The following PIGN variants were observed in gnomAD, a reference collection of about 807,000 sequenced individuals.
PIGN encodes GPI ethanolamine phosphate transferase 1.
Under a neutral mutation model 125.4 loss-of-function variants are expected in PIGN, and 117 were observed. The ratio of observed to expected loss-of-function variants is 0.93; its 90% CI spans 0.80 to 1.09. The LOEUF is 1.09. Among genes scored for constraint, PIGN ranks in the 50% least tolerant of loss-of-function variants. PIGN has a pLI of 0.00. For synonymous variants in PIGN, 392 were observed against 377.8 expected (o/e 1.04, Z -0.44); for missense variants, 1,075 against 1,094.9 (o/e 0.98, Z 0.26).
chr18:62,129,983 G>A (rs150483305), intron 14 of PIGN, among the ~76,000 whole-genome samples: 392 of 152,240 alleles, frequency 2.6e-3, no homozygotes, highest in African/African-American at 9.0e-3. Context: ...TTGAGAGGGA[G>A]ATCTGGAGAC....
intron 11 of PIGN, 71 bp downstream of exon 11, chr18:62,143,235 T>A: frequency 1.3e-6 from 1 of 772,490 alleles, no homozygotes; most frequent in Non-Finnish European, 2.2e-6. Context: ...TATCTCTTTT[T>A]CATAGTTTTT....
intron 23 of PIGN, among the ~76,000 whole-genome samples, chr18:62,019,746 C>T (rs1054610502): frequency 1.3e-5 from 2 of 152,228 alleles, no homozygotes; most frequent in African/African-American, 4.8e-5. Context: ...TTAACTGATA[C>T]TGGCCTAGCC....
chr18:62,087,992 T>C lies in PIGN; in HGVS notation c.2370+764A>G, dbSNP rs79782431. Among the ~76,000 whole-genome samples, 22 of 152,250 alleles carry C rather than the reference T, an allele frequency of 1.4e-4. No individual in the cohort carries two copies. In the East Asian group the frequency reaches 4.0e-3, roughly 28 times the overall value. On this transcript the variant is annotated intron_variant, in intron 25 of 30. Transcript: ENST00000640252. ...ATTGTATTGTATACTTGAAATGCGCTAAGAGAGCTGATCTTAAGTGTTCTC... is the reference window on the plus strand; with the variant it reads ...ATTGTATTGTATACTTGAAATGCGCCAAGAGAGCTGATCTTAAGTGTTCTC...
intron 4 of PIGN, among the ~76,000 whole-genome samples, chr18:62,160,112 C>CA (rs903941607): frequency 2.0e-4 from 30 of 150,876 alleles, no homozygotes; most frequent in African/African-American, 6.3e-4. Context: ...GACTCCGTCT[C>CA]AAAAAAAAGA....
At chr18:62,142,138 T>C (rs1843525230) in intron 11 of PIGN, among the ~76,000 whole-genome samples, 1 of 152,230 alleles carries the variant, frequency 6.6e-6, no homozygotes, top group African/African-American at 2.4e-5. Flanking sequence ...TGAGTATCTG[T>C]TCTTACCCCT....
intron 23 of PIGN, among the ~76,000 whole-genome samples, chr18:62,029,488 C>T (rs530599396): frequency 2.0e-5 from 3 of 152,326 alleles, no homozygotes; most frequent in Admixed American, 2.0e-4. Context: ...GGACATTAAA[C>T]TTCTTTTCTT....
At chr18:62,074,889 C>G (rs2033093516) in intron 28 of PIGN, 68 bp from the exon 29 acceptor site, 1 of 1,061,060 alleles carries the variant, frequency 9.4e-7, no homozygotes, top group Middle Eastern at 2.0e-4. Context: ...CATTAAAATC[C>G]AAGTGAGACT....
chr18:62,076,640 T>C (rs1481664092), intron 28 of PIGN, among the ~76,000 whole-genome samples: 1 of 152,232 alleles, frequency 6.6e-6, no homozygotes, highest in East Asian at 1.9e-4. Flanking sequence ...TTTGAGTTAA[T>C]TTTTGAATAA....
At chr18:62,085,921 T>G (rs181069752) in intron 25 of PIGN, among the ~76,000 whole-genome samples, 1 of 152,282 alleles carries the variant, frequency 6.6e-6, no homozygotes, top group East Asian at 1.9e-4. Context: ...TTCATTACCA[T>G]AGACACCCAC....
chr18:62,084,515 A>C lies in PIGN; in HGVS notation c.2502+16T>G. 2 of 1,478,270 alleles carry C rather than the reference A, an allele frequency of 1.4e-6. No individual in the cohort carries two copies. Among genetic ancestry groups the C allele is most frequent in the Non-Finnish European group, 1.8e-6 (2 of 1,087,926 alleles). 91.6% of individuals were successfully genotyped at this position (1,478,270 alleles called of 1,614,324 possible). ...AATCAATAGCTTAAGACAAATAACA[A>C]AATAAGAAAACTAACCTTCCACATC... On this transcript the variant is annotated intron_variant, in intron 27 of 30. Transcript: ENST00000640252.
chr18:62,095,392 G>T (rs1399976519), intron 23 of PIGN, among the ~76,000 whole-genome samples: 1 of 152,064 alleles, frequency 6.6e-6, no homozygotes, highest in African/African-American at 2.4e-5. Context: ...ATCTTTAAAA[G>T]TTTTGGGAAA....
intron 14 of PIGN, among the ~76,000 whole-genome samples, chr18:62,120,260 G>A (rs1014225186): frequency 6.6e-5 from 10 of 152,174 alleles, no homozygotes; most frequent in Non-Finnish European, 1.3e-4. Context: ...CATTAAAACA[G>A]TTGGTCACTG....
chr18:62,104,438 A>G (rs533896931), intron 20 of PIGN, among the ~76,000 whole-genome samples: 1 of 152,342 alleles, frequency 6.6e-6, no homozygotes, highest in South Asian at 2.1e-4. Flanking sequence ...TATCTGAAGC[A>G]AGAAATAAAT....
At chr18:62,138,861 T>C in intron 13 of PIGN, 122 bp downstream of exon 13, 1 of 585,864 alleles carries the variant, frequency 1.7e-6, no homozygotes, top group South Asian at 2.6e-5. Context: ...ATACATAAAA[T>C]TTAAAGGTAA....
rs925491270 is a variant in PIGN, at chr18:62,042,493, A to G, written c.*3363T>C. 1 of 152,194 alleles carries G rather than the reference A, an allele frequency of 6.6e-6. No homozygotes were observed. The highest frequency in any genetic ancestry group is 6.5e-5 in the Admixed American group (1 of 15,274). The allele number at this position is 152,194 out of a possible 1,614,324, so 9.4% of individuals were successfully genotyped here. A position where few individuals can be genotyped will look rare whatever the true frequency, so the allele number is the denominator to read the frequency against. On this transcript the variant is annotated 3_prime_UTR_variant, in exon 31 of 31. Coordinates refer to ENST00000640252, the MANE Select transcript of PIGN (RefSeq NM_176787.5). ...AGTAACTGTAACCCGTTTTAAGTGT[A>G]CCCAAGGAAATGAATAAGAGACACA... is the stretch of plus-strand genomic sequence containing the variant.
chr18:62,102,811 A>G lies in PIGN; in HGVS notation c.1951T>C (p.Leu651=), dbSNP rs779693213. The G allele has an allele frequency of 1.8e-5, 27 of 1,535,012 alleles. No homozygotes were observed. The East Asian group carries it at 5.8e-4, about 33-fold the overall frequency. Residue 651 remains leucine, a synonymous_variant, in exon 21 of 31, where the codon TTG becomes CTG. Transcript: ENST00000640252. ...RKDSFIKEEL[L]VHLLQVLSTV... ...TAACTGACCTGTAACAGATGTACCAATAGCTCTTCCTTTATAAAGCTATCT... is the reference window on the plus strand; with the variant it reads ...TAACTGACCTGTAACAGATGTACCAGTAGCTCTTCCTTTATAAAGCTATCT...
chr18:62,155,667 C>T (rs1029331025), intron 6 of PIGN, among the ~76,000 whole-genome samples: 3 of 152,172 alleles, frequency 2.0e-5, no homozygotes, highest in Admixed American at 1.3e-4. Flanking sequence ...CTCAGCCATT[C>T]CTCTTCCCAC....
At chr18:62,123,266 G>A (rs2035378946) in intron 14 of PIGN, among the ~76,000 whole-genome samples, 1 of 152,032 alleles carries the variant, frequency 6.6e-6, no homozygotes, top group African/African-American at 2.4e-5. Flanking sequence ...AAAAATGAAA[G>A]ACTATAATAG....
Position 62,086,480 on chromosome 18 carries a change from G to A in PIGN, c.2371-1216C>T, listed in dbSNP as rs143131978. 1.1e-3 allele frequency among the ~76,000 whole-genome samples: 167 copies of A among 152,180 alleles called. 1 individual carries two copies. The highest frequency in any genetic ancestry group is 3.9e-3 in the African/African-American group (163 of 41,538). Reference sequence around the variant, plus strand: ...AAAAATACAAAAATTAGCCGGTCCTGGTGGTGCACGCCTATAGTCCCAGCT... The same window carrying A: ...AAAAATACAAAAATTAGCCGGTCCTAGTGGTGCACGCCTATAGTCCCAGCT... On this transcript the variant is annotated intron_variant, in intron 25 of 30. Transcript: ENST00000640252.
Sources: gnomAD v4.1 joint callset for allele counts (sites outside exome capture counted in the v4.1 genomes callset) on GRCh38, gnomAD v4.1.1 for gene constraint, MANE v1.5 for transcripts, NCBI Gene and HGNC (gene_info 2026-07-23, HGNC 2026-07-21) for gene names.